The following HEMK2 variants were observed in gnomAD, a reference collection of about 807,000 sequenced individuals.
HEMK2 encodes HemK methyltransferase 2, ETF1 glutamine and histone H4 lysine.
the HEMK2 span, among the ~76,000 whole-genome samples, chr21:28,734,105 T>A: frequency 2.0e-5 from 3 of 152,136 alleles, no homozygotes; most frequent in Non-Finnish European, 4.4e-5. Flanking sequence ...ATCCCTAATA[T>A]CCGTATCAGG....
the HEMK2 span, among the ~76,000 whole-genome samples, chr21:28,673,362 G>C: frequency 6.6e-6 from 1 of 152,136 alleles, no homozygotes; most frequent in African/African-American, 2.4e-5. Flanking sequence ...AAAGAAATTT[G>C]TCTGACACTA....
chr21:28,666,293 T>G, the HEMK2 span, among the ~76,000 whole-genome samples: 2 of 152,226 alleles, frequency 1.3e-5, no homozygotes, highest in Non-Finnish European at 2.9e-5. Context: ...GGTGAGAAAT[T>G]TACAGAATTT....
At chr21:28,693,014 G>T in the HEMK2 span, among the ~76,000 whole-genome samples, 1 of 152,216 alleles carries the variant, frequency 6.6e-6, no homozygotes, top group Non-Finnish European at 1.5e-5. Context: ...AATGGGGAGT[G>T]ACTGCTAATT....
chr21:28,876,921 A>AT, the HEMK2 span, among the ~76,000 whole-genome samples: 2 of 150,848 alleles, frequency 1.3e-5, no homozygotes, highest in Admixed American at 1.3e-4. Context: ...TCTTTCAGGC[A>AT]TATTGAAAAA....
At chr21:28,689,248 T>C in the HEMK2 span, among the ~76,000 whole-genome samples, 4 of 152,216 alleles carry the variant, frequency 2.6e-5, no homozygotes, top group Non-Finnish European at 4.4e-5. Context: ...AAAGCCATGC[T>C]TAATAATTCC....
chr21:28,655,401 A>G, the HEMK2 span, among the ~76,000 whole-genome samples: 2 of 152,132 alleles, frequency 1.3e-5, no homozygotes, highest in African/African-American at 2.4e-5. Flanking sequence ...TAAGAAAAAA[A>G]TAAATCTGAC....
chr21:28,746,398 G>A, the HEMK2 span, among the ~76,000 whole-genome samples: 31 of 152,152 alleles, frequency 2.0e-4, no homozygotes, highest in African/African-American at 7.5e-4. Flanking sequence ...CATAGACATA[G>A]CATTGCCCTG....
chr21:28,697,778 C>CAAGAAAAAA, the HEMK2 span, among the ~76,000 whole-genome samples: 1 of 79,554 alleles, frequency 1.3e-5, no homozygotes, highest in South Asian at 4.9e-4. Context: ...ATCATGAGCC[C>CAAGAAAAAA]AAAAAAAAAA....
the HEMK2 span, among the ~76,000 whole-genome samples, chr21:28,770,761 T>A: frequency 3.9e-5 from 6 of 152,248 alleles, no homozygotes; most frequent in East Asian, 1.2e-3. Flanking sequence ...ACCTTGACTT[T>A]CTAGCCTCCA....
At chr21:28,833,106 C>A in the HEMK2 span, among the ~76,000 whole-genome samples, 1 of 152,162 alleles carries the variant, frequency 6.6e-6, no homozygotes, top group African/African-American at 2.4e-5. Context: ...GCTTTTTGGT[C>A]CTGAGTCTTC....
chr21:28,784,008 G>A, the HEMK2 span, among the ~76,000 whole-genome samples: 1 of 152,200 alleles, frequency 6.6e-6, no homozygotes, highest in African/African-American at 2.4e-5. Context: ...CAGGGCTCGG[G>A]AACTGTTGCC....
At chr21:28,676,716 G>A in the HEMK2 span, among the ~76,000 whole-genome samples, 18 of 152,186 alleles carry the variant, frequency 1.2e-4, no homozygotes, top group East Asian at 1.9e-4. Context: ...GCACACTAGC[G>A]GACCCTGGCT....
the HEMK2 span, among the ~76,000 whole-genome samples, chr21:28,830,957 T>A: frequency 1.1e-4 from 16 of 151,962 alleles, no homozygotes; most frequent in African/African-American, 3.4e-4. Context: ...TAGTATTCTA[T>A]CCATCTGTAG....
At chr21:28,765,077 C>A in the HEMK2 span, among the ~76,000 whole-genome samples, 3 of 152,054 alleles carry the variant, frequency 2.0e-5, no homozygotes, top group Admixed American at 2.0e-4. Context: ...ATTCTAATGT[C>A]TTTCTTGCAA....
At chr21:28,733,394 G>A in the HEMK2 span, among the ~76,000 whole-genome samples, 1 of 152,158 alleles carries the variant, frequency 6.6e-6, no homozygotes, top group African/African-American at 2.4e-5. Flanking sequence ...AGATAACATT[G>A]GCTTTTTTTC....
the HEMK2 span, among the ~76,000 whole-genome samples, chr21:28,763,362 C>A: frequency 6.6e-6 from 1 of 152,090 alleles, no homozygotes; most frequent in African/African-American, 2.4e-5. Flanking sequence ...CAGGAACAAG[C>A]ATGTCATATG....
At chr21:28,846,858 C>T in the HEMK2 span, among the ~76,000 whole-genome samples, 3 of 152,154 alleles carry the variant, frequency 2.0e-5, no homozygotes, top group African/African-American at 7.2e-5. Context: ...TCAATGTTAG[C>T]TCCCACTTAT....
the HEMK2 span, among the ~76,000 whole-genome samples, chr21:28,655,057 A>G: frequency 6.6e-6 from 1 of 152,054 alleles, no homozygotes; most frequent in Non-Finnish European, 1.5e-5. Flanking sequence ...ATTTACCAAA[A>G]AAATCTGAGG....
chr21:28,804,770 C>T, the HEMK2 span, among the ~76,000 whole-genome samples: 2 of 152,196 alleles, frequency 1.3e-5, no homozygotes, highest in Non-Finnish European at 2.9e-5. Flanking sequence ...AGACGGGCCA[C>T]ATGGCATGTG....
Sources: allele counts gnomAD v4.1 joint callset (sites outside exome capture counted in the v4.1 genomes callset), GRCh38; gene constraint gnomAD v4.1.1; transcripts MANE v1.5; gene names NCBI Gene and HGNC (gene_info 2026-07-23, HGNC 2026-07-21).